The following CSGALNACT1 variants were observed in gnomAD, a reference collection of about 807,000 sequenced individuals.
The protein encoded by CSGALNACT1 is beta4GalNAcT-1.
CSGALNACT1 carries 52 observed loss-of-function variants against 51.0 expected under a neutral mutation model. The ratio of observed to expected loss-of-function variants is 1.02; its 90% confidence interval spans 0.82 to 1.29. The LOEUF is 1.29. CSGALNACT1 is among the 50% of genes most tolerant of loss of function. The pLI, the probability that CSGALNACT1 is intolerant of heterozygous loss-of-function variation, is 0.00. For missense variants in CSGALNACT1, 935 were observed against 679.2 expected, an observed-to-expected ratio of 1.38 and a Z score of -4.19; for synonymous variants, 341 against 254.4, an observed-to-expected ratio of 1.34 and a Z score of -3.24.
intron 3 of CSGALNACT1, among the ~76,000 whole-genome samples, chr8:19,546,332 C>T (rs2086459569): frequency 6.6e-6 from 1 of 152,040 alleles, no homozygotes; most frequent in South Asian, 2.1e-4. Context: ...TTTTATTTTC[C>T]CTTCTCCAAA....
intron 4 of CSGALNACT1, among the ~76,000 whole-genome samples, chr8:19,504,237 C>G (rs1040032370): frequency 6.6e-6 from 1 of 151,986 alleles, no homozygotes; most frequent in African/African-American, 2.4e-5. Flanking sequence ...CCACCAGGCC[C>G]GGCTAATTTT....
At chr8:19,432,834 A>C (rs941364010) in intron 6 of CSGALNACT1, among the ~76,000 whole-genome samples, 1 of 152,008 alleles carries the variant, frequency 6.6e-6, no homozygotes, top group African/African-American at 2.4e-5. Flanking sequence ...CATGTTTTTC[A>C]TATACTTCAG....
chr8:19,553,640 A>ATATATATATATATATATATATATATATAT lies in CSGALNACT1; in HGVS notation c.-297+37519_-297+37520insATATATATATATATATATATATATATATA, dbSNP rs201836569. Among the ~76,000 whole-genome samples the ATATATATATATATATATATATATATATAT allele has an allele frequency of 3.6e-3, 422 of 116,660 alleles. 17 individuals carry two copies. The highest frequency in any genetic ancestry group is 4.9e-3 in the Middle Eastern group (1 of 204). The allele number at this position is 116,660 out of a possible 152,430, so 76.5% of individuals were successfully genotyped here. The stretch of plus-strand genomic sequence containing the variant: ...AAATACATATATATATATATATATA[A>ATATATATATATATATATATATATATATAT]AAAAATATGTCAGCCTTTCTATTAC... On this transcript the variant is annotated intron_variant, in intron 3 of 9. Coordinates refer to ENST00000454498, the Ensembl canonical transcript of CSGALNACT1.
intron 3 of CSGALNACT1, among the ~76,000 whole-genome samples, chr8:19,558,551 A>C (rs1053710630): frequency 1.3e-5 from 2 of 152,206 alleles, no homozygotes; most frequent in African/African-American, 4.8e-5. Context: ...AATTAACATA[A>C]ATCGAAATTA....
At chr8:19,458,711 A>C in intron 4 of CSGALNACT1, 69 bp from the exon 4 acceptor site, 3 of 1,415,626 alleles carry the variant, frequency 2.1e-6, no homozygotes, top group Non-Finnish European at 3.0e-6. Flanking sequence ...TTTTCAACCG[A>C]GATCTAGCAC....
chr8:19,674,801 G>A (rs1042827800), intron 1 of CSGALNACT1, among the ~76,000 whole-genome samples: 6 of 152,088 alleles, frequency 3.9e-5, no homozygotes, highest in Admixed American at 6.5e-5. Context: ...CTGGAAACGC[G>A]AAGAAGTTGT....
chr8:19,437,680 A>G (rs2060603080), intron 6 of CSGALNACT1, among the ~76,000 whole-genome samples: 1 of 152,216 alleles, frequency 6.6e-6, no homozygotes. Flanking sequence ...ATATACAACT[A>G]ATACATATAC....
intron 4 of CSGALNACT1, among the ~76,000 whole-genome samples, chr8:19,465,551 T>A (rs4922031): frequency 0.3 from 46,218 of 152,088 alleles, 7,723 homozygotes; most frequent in East Asian, 0.68. Context: ...TCTAGCAGTT[T>A]CTCACAGACA....
intron 1 of CSGALNACT1, among the ~76,000 whole-genome samples, chr8:19,672,219 C>T (rs532014385): frequency 5.9e-5 from 9 of 152,168 alleles, no homozygotes; most frequent in African/African-American, 2.2e-4. Flanking sequence ...TTCGGCTTTC[C>T]CATCTCTCCA....
chr8:19,517,453 A>G (rs2154025652), intron 3 of CSGALNACT1, among the ~76,000 whole-genome samples: 1 of 152,296 alleles, frequency 6.6e-6, no homozygotes, highest in East Asian at 1.9e-4. Context: ...AAAAAAGAAA[A>G]GAAGAAAAAG....
chr8:19,517,393 T>C (rs996979231), intron 3 of CSGALNACT1, among the ~76,000 whole-genome samples: 2 of 152,066 alleles, frequency 1.3e-5, no homozygotes, highest in African/African-American at 4.8e-5. Context: ...TGAGCCGAGA[T>C]TGCACCACTG....
At chr8:19,542,373 A>G (rs947961389) in intron 3 of CSGALNACT1, among the ~76,000 whole-genome samples, 4 of 152,206 alleles carry the variant, frequency 2.6e-5, no homozygotes, top group Non-Finnish European at 5.9e-5. Flanking sequence ...TTTATTTCAC[A>G]GAAGACTGGA....
At chr8:19,404,315 G>A (rs1004552901) in exon 10 of CSGALNACT1, 3 of 453,144 alleles carry the variant, frequency 6.6e-6, no homozygotes, top group African/African-American at 6.0e-5. Context: ...TTTAAACAAT[G>A]AGTTTACTGT....
chr8:19,588,195 C>G (rs1049014874), intron 3 of CSGALNACT1, among the ~76,000 whole-genome samples: 1 of 151,442 alleles, frequency 6.6e-6, no homozygotes, highest in African/African-American at 2.4e-5. Context: ...AACCCTGTCC[C>G]CCATCCCCTC....
intron 8 of CSGALNACT1, among the ~76,000 whole-genome samples, chr8:19,411,818 C>T (rs1007590478): frequency 6.7e-6 from 1 of 149,576 alleles, no homozygotes; most frequent in African/African-American, 2.5e-5. Flanking sequence ...TGATCTGTTT[C>T]CAAGCACTAT....
chr8:19,510,405 A>G (rs2078240240), intron 3 of CSGALNACT1, among the ~76,000 whole-genome samples: 1 of 152,200 alleles, frequency 6.6e-6, no homozygotes, highest in South Asian at 2.1e-4. Context: ...AGCAATGAAT[A>G]AACAATAGAC....
chr8:19,484,712 C>T (rs2072418381), intron 4 of CSGALNACT1, among the ~76,000 whole-genome samples: 1 of 152,198 alleles, frequency 6.6e-6, no homozygotes, highest in Admixed American at 6.5e-5. Context: ...ACTCTAATCC[C>T]TAGTACCTCA....
At chr8:19,600,829 GAAA>G (rs568732433) in intron 2 of CSGALNACT1, among the ~76,000 whole-genome samples, 1 of 136,612 alleles carries the variant, frequency 7.3e-6, no homozygotes, top group Non-Finnish European at 1.6e-5. Flanking sequence ...AAAGTTTTTG[GAAA>G]AAAAAAAAAA....
rs1188556828 is a variant in CSGALNACT1, at chr8:19,734,437, C to T, written c.-297+23413G>A. Among the ~76,000 whole-genome samples, 4 of 152,196 alleles carry T rather than the reference C, an allele frequency of 2.6e-5. No homozygotes were observed. The East Asian group carries it at 7.7e-4, about 29-fold the overall frequency. ...CACCCAAATAAGACAAATGCCCAGC[C>T]ATGACTAATCAAGCTGTGCCTATAC... On this transcript the variant is annotated intron_variant, in intron 1 of 1. Transcript: ENST00000517494.
Sources: gnomAD v4.1 joint callset for allele counts (sites outside exome capture counted in the v4.1 genomes callset) on GRCh38, gnomAD v4.1.1 for gene constraint, MANE v1.5 for transcripts, NCBI Gene and HGNC (gene_info 2026-07-23, HGNC 2026-07-21) for gene names.